The following KDM3A variants were observed in gnomAD, a reference collection of about 807,000 sequenced individuals.
KDM3A encodes lysine-specific demethylase 3A.
In KDM3A, 60 loss-of-function variants were observed where a neutral mutation model predicts 158.0. The observed-to-expected ratio is 0.38, with a 90% CI of 0.31 to 0.47. The LOEUF is 0.47. KDM3A is among the 20% of genes least tolerant of loss of function. The pLI, the probability that KDM3A is intolerant of heterozygous loss-of-function variation, is 0.99. For missense variants in KDM3A, 1,319 were observed against 1,574.3 expected (o/e 0.84, Z 2.74); for synonymous variants, 608 against 549.3 (o/e 1.11, Z -1.49).
At position 86,466,792 on chromosome 2, in the gene KDM3A, T is replaced by G. The variant is rs952005761; in HGVS notation, c.1428T>G (p.Ala476=). The G allele has an allele frequency of 8.7e-6, 14 of 1,613,492 alleles. No homozygotes were observed. The Admixed American group carries it at 1.2e-4, about 13-fold the overall frequency. ...NCSGKKVEPS[A]LACRSQNLKE... ...CAGGAAAAAAGGTAGAACCTTCAGC[T>G]TTAGCTTGCCGATCACAGAATTTAA... The change falls in exon 10 of 26, where the codon GCT becomes GCG. Residue 476 remains alanine (A), a synonymous_variant. Coordinates refer to ENST00000312912, the MANE Select transcript of KDM3A (RefSeq NM_018433.6).
intron 16 of KDM3A, among the ~76,000 whole-genome samples, chr2:86,481,365 G>T (rs1673918405): frequency 6.6e-6 from 1 of 152,106 alleles, no homozygotes; most frequent in South Asian, 2.1e-4. Flanking sequence ...CCATTGTCCT[G>T]CCTCAGCCTC....
chr2:86,466,479 C>G lies in KDM3A; in HGVS notation c.1115C>G (p.Ser372Cys). Residue 372 changes from serine to cysteine, a missense_variant, in exon 10 of 26, where the codon TCC (serine) becomes TGC (cysteine). Coordinates refer to ENST00000312912, the MANE Select transcript of KDM3A (RefSeq NM_018433.6). ...DVCKAGLLSKSSQIGTGDLKI... is the reference protein window; with the variant it reads ...DVCKAGLLSKCSQIGTGDLKI... ...TGCAAAGCAGGGTTGCTCTCAAAGT[C>G]CTCTCAGATTGGAACTGGAGACTTG... 1 of 1,613,926 alleles carries G rather than the reference C, an allele frequency of 6.2e-7. No individual in the cohort carries two copies. The highest frequency in any genetic ancestry group is 8.5e-7 in the Non-Finnish European group (1 of 1,179,862).
chr2:86,439,476 A>G (rs1682565072), upstream of KDM3A, among the ~76,000 whole-genome samples: 1 of 152,094 alleles, frequency 6.6e-6, no homozygotes, highest in South Asian at 2.1e-4. Context: ...CTTTTATAAA[A>G]TGCATTGGAT....
upstream of KDM3A, among the ~76,000 whole-genome samples, chr2:86,437,106 G>T (rs987572515): frequency 5.3e-5 from 8 of 152,046 alleles, no homozygotes; most frequent in Non-Finnish European, 1.2e-4. Context: ...TTATTTTCGT[G>T]AATGTTGGTG....
rs190978827 is a variant in KDM3A at position 86,459,607 on chromosome 2, G to A, written c.843+2536G>A. Among the ~76,000 whole-genome samples the A allele has an allele frequency of 1.8e-4, 27 of 152,180 alleles. No homozygotes were observed. The East Asian group carries it at 4.4e-3, about 25-fold the overall frequency. Reference sequence around the variant, plus strand: ...TGAGGTCAGTGGGAACCTCCCTTGGGGGAAGGTGCCTTCAGAATGTTGAGT... The same window carrying A: ...TGAGGTCAGTGGGAACCTCCCTTGGAGGAAGGTGCCTTCAGAATGTTGAGT... On this transcript the variant is annotated intron_variant, in intron 8 of 25. Coordinates refer to ENST00000312912, the MANE Select transcript of KDM3A (RefSeq NM_018433.6).
At chr2:86,438,882 G>A (rs1022032417), upstream of KDM3A, among the ~76,000 whole-genome samples, 2 of 151,772 alleles carry the variant, frequency 1.3e-5, no homozygotes, top group African/African-American at 4.8e-5. Flanking sequence ...TATTTTTATT[G>A]GAACATCTAG....
At chr2:86,481,018 C>T (rs1048634494) in intron 16 of KDM3A, among the ~76,000 whole-genome samples, 5 of 151,804 alleles carry the variant, frequency 3.3e-5, no homozygotes, top group South Asian at 2.1e-4. Context: ...AGCAAGTGGC[C>T]GGAAAAGAAT....
intron 12 of KDM3A, among the ~76,000 whole-genome samples, chr2:86,476,923 A>T (rs1336615489): frequency 6.6e-6 from 1 of 152,216 alleles, no homozygotes; most frequent in East Asian, 1.9e-4. Context: ...AGCAGCTTTG[A>T]TCCAGTGTTG....
At chr2:86,486,708 C>T (rs778633766) in intron 21 of KDM3A, among the ~76,000 whole-genome samples, 6 of 152,134 alleles carry the variant, frequency 3.9e-5, no homozygotes, top group Non-Finnish European at 8.8e-5. Context: ...GTTGTCTTCG[C>T]TATGTTCTCC....
At chr2:86,440,793 T>G (rs747464959), upstream of KDM3A, 1 of 152,266 alleles carries the variant, frequency 6.6e-6, no homozygotes, top group Non-Finnish European at 1.5e-5. Flanking sequence ...CGCACGAGCC[T>G]CCAGAGCACT....
upstream of KDM3A, among the ~76,000 whole-genome samples, chr2:86,440,119 G>A (rs1468224211): frequency 6.6e-6 from 1 of 152,034 alleles, no homozygotes; most frequent in Non-Finnish European, 1.5e-5. Flanking sequence ...CAGCTGGATA[G>A]GTTTTTTCTT....
At position 86,456,847 on chromosome 2, in the gene KDM3A, G is replaced by A. The variant is rs1672724403; in HGVS notation, c.724G>A (p.Glu242Lys). The change falls in exon 7 of 26, where the codon GAA (glutamate) becomes AAA (lysine). Residue 242 changes from glutamate to lysine, a missense_variant. Transcript: ENST00000312912. ...TGTTGATCCGTCACTGATTCATGTT[G>A]AAGTTGTACACGATAACCTTGTGAC... Reference protein sequence around the residue: ...KIVDPSLIHVEVVHDNLVTCG... With the variant: ...KIVDPSLIHVKVVHDNLVTCG... 3.1e-6 allele frequency: 5 copies of A among 1,612,338 alleles called. No homozygotes were observed. In the African/African-American group the frequency reaches 6.7e-5, roughly 22 times the overall value.
chr2:86,464,669 AAT>A (rs1382067534), intron 9 of KDM3A, among the ~76,000 whole-genome samples: 1 of 152,218 alleles, frequency 6.6e-6, no homozygotes, highest in Non-Finnish European at 1.5e-5. Flanking sequence ...ATGAGGAAGC[AAT>A]ATCTGTAGGT....
rs1261666832 is a variant in KDM3A at position 86,466,669 on chromosome 2, A to G, written c.1305A>G (p.Glu435=). The change falls in exon 10 of 26, where the codon GAA becomes GAG. Residue 435 remains glutamate (E), a synonymous_variant. Transcript: ENST00000312912. ...KAELEIANPP[E]LQKHLEHAPS... ...AATTGGAAATTGCCAATCCTCCTGA[A>G]CTGCAGAAGCACCTAGAACATGCAC... 6 of 1,613,836 alleles carry G rather than the reference A, an allele frequency of 3.7e-6. No individual in the cohort carries two copies. Among genetic ancestry groups the G allele is most frequent in the African/African-American group, 1.3e-5 (1 of 74,920 alleles).
rs1300253755 is a variant in KDM3A at position 86,464,063 on chromosome 2, G to C, written c.854G>C (p.Ser285Thr). Residue 285 changes from serine to threonine, a missense_variant, in exon 9 of 26, where the codon AGT becomes ACT. Ser to Thr is a moderately conservative substitution (Grantham distance 58, BLOSUM62 1). Around this residue, in one of 4 missense-constraint regions of KDM3A, gnomAD observed 652 missense variants for 627.2 expected, o/e 1.04. Transcript: ENST00000312912. ...QAKSCSEASP[S>T]MCPVQSVPTT... ...TTTGGTATCTTCTAGGCCTCTCCCA[G>C]TATGTGTCCTGTGCAGTCTGTACCT... 6.3e-7 allele frequency: 1 copy of C among 1,586,168 alleles called. No homozygotes were observed. The highest frequency in any genetic ancestry group is 8.6e-7 in the Non-Finnish European group (1 of 1,164,216).
In KDM3A at chr2:86,484,152, G is replaced by A; in HGVS notation, c.3088G>A (p.Val1030Ile). The A allele has an allele frequency of 6.2e-7, 1 of 1,611,788 alleles. No individual in the cohort carries two copies. Among genetic ancestry groups the A allele is most frequent in the Non-Finnish European group, 8.5e-7 (1 of 1,178,912 alleles). ...VGDFWDGFEDVPNRLKNEKEP... is the reference protein window; with the variant it reads ...VGDFWDGFEDIPNRLKNEKEP... The stretch of plus-strand genomic sequence containing the variant: ...AGACTTCTGGGATGGATTTGAAGAT[G>A]TTCCAAGTATGTATGAAAGATCTTT... The change falls in exon 19 of 26, where the codon GTT (valine) becomes ATT (isoleucine). Residue 1030 changes from valine (V) to isoleucine (I), a missense_variant. Physicochemically the swap from Val to Ile is conservative, Grantham distance 29 (BLOSUM62 3). Around this residue, in one of 4 missense-constraint regions of KDM3A, gnomAD observed 368 missense variants for 415.8 expected, o/e 0.89. Coordinates refer to ENST00000312912, the MANE Select transcript of KDM3A (RefSeq NM_018433.6).
chr2:86,456,456 G>C lies in KDM3A; in HGVS notation c.571G>C (p.Val191Leu), dbSNP rs749896546. 6.5e-6 allele frequency: 8 copies of C among 1,239,014 alleles called. No homozygotes were observed. Among genetic ancestry groups the C allele is most frequent in the Non-Finnish European group, 8.8e-6 (8 of 911,298 alleles). 76.8% of individuals were successfully genotyped at this position (1,239,014 alleles called of 1,614,324 possible). A position where few individuals can be genotyped will look rare whatever the true frequency, so the allele number is the denominator to read the frequency against. Residue 191 changes from valine (V) to leucine (L), a missense_variant, in exon 6 of 26, where the codon GTT becomes CTT. By Grantham distance (32) the Val-to-Leu change is conservative. Around this residue, in one of 4 missense-constraint regions of KDM3A, gnomAD observed 652 missense variants for 627.2 expected, o/e 1.04. Coordinates refer to ENST00000312912, the MANE Select transcript of KDM3A (RefSeq NM_018433.6). ...TTTTTTTTAAGGTGACAAAAACTTAGTTGGTTCAGAAGTAAAAATTTATAG... is the reference window on the plus strand; with the variant it reads ...TTTTTTTTAAGGTGACAAAAACTTACTTGGTTCAGAAGTAAAAATTTATAG... ...SHLLKGDKNL[V>L]GSEVKIYSLD...
At chr2:86,459,563 T>C (rs896851199) in intron 8 of KDM3A, among the ~76,000 whole-genome samples, 4 of 152,080 alleles carry the variant, frequency 2.6e-5, no homozygotes, top group African/African-American at 9.7e-5. Context: ...GAGCGATCAA[T>C]CTGGGGTGCA....
At chr2:86,470,178 G>A in intron 10 of KDM3A, 26 bp from the exon 11 acceptor site, 1 of 1,606,814 alleles carries the variant, frequency 6.2e-7, no homozygotes, top group Non-Finnish European at 8.5e-7. Flanking sequence ...TTGAGGTCCT[G>A]TCTCCTTAAT....
Sources: allele counts gnomAD v4.1 joint callset (sites outside exome capture counted in the v4.1 genomes callset), GRCh38; gene constraint gnomAD v4.1.1; regional missense constraint gnomAD v4.1.1; transcripts MANE v1.5; gene names NCBI Gene and HGNC (gene_info 2026-07-23, HGNC 2026-07-21).